The following CNTN5 variants were observed in gnomAD, a reference collection of about 807,000 sequenced individuals.
CNTN5 encodes the protein contactin 5.
In CNTN5, 77 loss-of-function variants were observed where a neutral mutation model predicts 129.1. The observed-to-expected ratio is 0.60, with a 90% CI of 0.50 to 0.72. The LOEUF is 0.72. Among genes scored for constraint, CNTN5 ranks in the 30% least tolerant of loss-of-function variants. The pLI is 0.00. For missense variants in CNTN5, 1,478 were observed against 1,328.8 expected, an observed-to-expected ratio of 1.11 and a Z score of -1.75; for synonymous variants, 509 against 465.6, an observed-to-expected ratio of 1.09 and a Z score of -1.20.
At chr11:99,834,215 G>C (rs145356034) in intron 4 of CNTN5, among the ~76,000 whole-genome samples, 2 of 152,136 alleles carry the variant, frequency 1.3e-5, no homozygotes, top group Non-Finnish European at 2.9e-5. Context: ...TGCCTCTCAT[G>C]ACACTTGGGT....
chr11:99,493,394 C>T (rs1048981378), intron 2 of CNTN5, among the ~76,000 whole-genome samples: 2 of 152,156 alleles, frequency 1.3e-5, no homozygotes, highest in African/African-American at 4.8e-5. Context: ...ACGAACAACT[C>T]CAATAAATGC....
intron 3 of CNTN5, among the ~76,000 whole-genome samples, chr11:99,624,220 A>G (rs577211003): frequency 6.6e-6 from 1 of 151,680 alleles, no homozygotes; most frequent in Non-Finnish European, 1.5e-5. Context: ...CTGTGTATGC[A>G]TTGCCTAGAT....
intron 3 of CNTN5, among the ~76,000 whole-genome samples, chr11:99,691,238 G>T (rs913635617): frequency 7.3e-5 from 11 of 149,714 alleles, no homozygotes; most frequent in Non-Finnish European, 1.0e-4. Context: ...GAGTGTTTAT[G>T]TCTCTGTCTT....
intron 1 of CNTN5, among the ~76,000 whole-genome samples, chr11:99,096,435 G>T (rs2135335088): frequency 6.6e-6 from 1 of 151,838 alleles, no homozygotes; most frequent in South Asian, 2.1e-4. Context: ...AAGATGAGAA[G>T]AACAGTCGCC....
chr11:100,055,337 T>A (rs1565833757), intron 9 of CNTN5, among the ~76,000 whole-genome samples: 1 of 151,630 alleles, frequency 6.6e-6, no homozygotes, highest in Non-Finnish European at 1.5e-5. Context: ...TGTCCCTTTT[T>A]ATACACACAC....
chr11:99,514,262 A>G (rs1946957840), intron 2 of CNTN5, among the ~76,000 whole-genome samples: 1 of 152,112 alleles, frequency 6.6e-6, no homozygotes, highest in Non-Finnish European at 1.5e-5. Context: ...TGGATGAGTA[A>G]CAAAAGTAAT....
chr11:99,210,890 G>T (rs1338589480), intron 1 of CNTN5, among the ~76,000 whole-genome samples: 2 of 152,094 alleles, frequency 1.3e-5, no homozygotes, highest in East Asian at 3.9e-4. Flanking sequence ...GTATCCTAAA[G>T]TGTCTAGTAC....
chr11:99,291,855 A>G (rs999161685), intron 1 of CNTN5, among the ~76,000 whole-genome samples: 3 of 152,088 alleles, frequency 2.0e-5, no homozygotes, highest in Non-Finnish European at 4.4e-5. Context: ...CTCTGAAGAT[A>G]TATTCATACA....
chr11:100,038,325 C>G (rs1245957826), intron 9 of CNTN5, among the ~76,000 whole-genome samples: 1 of 152,176 alleles, frequency 6.6e-6, no homozygotes, highest in African/African-American at 2.4e-5. Context: ...GCACTATGGT[C>G]TGAGAGACAG....
At chr11:99,617,856 A>G (rs1950809620) in intron 3 of CNTN5, among the ~76,000 whole-genome samples, 1 of 152,168 alleles carries the variant, frequency 6.6e-6, no homozygotes, top group South Asian at 2.1e-4. Context: ...ACATAGTTTT[A>G]TCACAGAATT....
At chr11:99,959,780 C>CA (rs1413510470) in intron 8 of CNTN5, among the ~76,000 whole-genome samples, 5 of 151,912 alleles carry the variant, frequency 3.3e-5, no homozygotes, top group Admixed American at 1.3e-4. Flanking sequence ...TTAACAAAAA[C>CA]AAAAAAACCA....
chr11:99,807,134 A>G (rs1482267621), intron 3 of CNTN5, among the ~76,000 whole-genome samples: 1 of 152,000 alleles, frequency 6.6e-6, no homozygotes, highest in African/African-American at 2.4e-5. Flanking sequence ...GATTTCCACT[A>G]TAATATTTGT....
chr11:99,379,993 C>T (rs767092081), intron 2 of CNTN5, among the ~76,000 whole-genome samples: 9 of 151,252 alleles, frequency 6.0e-5, no homozygotes, highest in South Asian at 2.1e-4. Flanking sequence ...TGTATATATG[C>T]GTGTGTGTGA....
chr11:99,114,269 G>T (rs1857935556), intron 1 of CNTN5, among the ~76,000 whole-genome samples: 1 of 151,990 alleles, frequency 6.6e-6, no homozygotes, highest in African/African-American at 2.4e-5. Flanking sequence ...GGATTTACTG[G>T]CCTTTCAAAA....
chr11:99,915,182 G>A (rs771234048), intron 6 of CNTN5, among the ~76,000 whole-genome samples: 3 of 151,980 alleles, frequency 2.0e-5, no homozygotes, highest in Non-Finnish European at 2.9e-5. Flanking sequence ...CCTACCATTT[G>A]CAATAAAGTA....
intron 7 of CNTN5, among the ~76,000 whole-genome samples, chr11:99,925,323 A>G (rs973589770): frequency 1.3e-5 from 2 of 152,222 alleles, no homozygotes; most frequent in Admixed American, 6.5e-5. Context: ...TTATTTCTGC[A>G]TATAAGCTTT....
chr11:99,561,745 A>G (rs1948851240), intron 3 of CNTN5, among the ~76,000 whole-genome samples: 1 of 152,296 alleles, frequency 6.6e-6, no homozygotes, highest in African/African-American at 2.4e-5. Context: ...AAGTCATCAA[A>G]ACTTAGGAAA....
intron 1 of CNTN5, among the ~76,000 whole-genome samples, chr11:99,325,092 T>C (rs186989207): frequency 6.6e-6 from 1 of 152,080 alleles, no homozygotes; most frequent in East Asian, 1.9e-4. Context: ...TTGTAGCCCA[T>C]GTAAGCTTAG....
chr11:99,776,086 C>T (rs1010970458), intron 3 of CNTN5, among the ~76,000 whole-genome samples: 8 of 151,850 alleles, frequency 5.3e-5, no homozygotes, highest in Non-Finnish European at 1.0e-4. Flanking sequence ...TTTCATTAGT[C>T]ACTTGGTCAT....
Sources: gnomAD v4.1 joint callset for allele counts (sites outside exome capture counted in the v4.1 genomes callset) on GRCh38, gnomAD v4.1.1 for gene constraint, MANE v1.5 for transcripts, NCBI Gene and HGNC (gene_info 2026-07-23, HGNC 2026-07-21) for gene names.